The following ZSCAN5A variants were observed in gnomAD, a reference collection of about 807,000 sequenced individuals.
ZSCAN5A encodes zinc finger and SCAN domain-containing protein 5A.
A neutral mutation model predicts 23.7 loss-of-function variants in ZSCAN5A; 12 were observed. That is an observed-to-expected ratio of 0.51 (90% CI 0.32 to 0.82). The LOEUF (loss-of-function observed/expected upper bound fraction) is 0.82, where lower values mean the gene tolerates loss of function less well. ZSCAN5A is among the 40% of genes least tolerant of loss of function. The pLI is 0.03. For missense variants in ZSCAN5A, 597 were observed against 617.9 expected (o/e 0.97, Z 0.36); for synonymous variants, 257 against 239.9 (o/e 1.07, Z -0.66).
intron 2 of ZSCAN5A, among the ~76,000 whole-genome samples, chr19:56,268,956 G>C (rs2037655007): frequency 6.6e-6 from 1 of 152,142 alleles, no homozygotes; most frequent in Non-Finnish European, 1.5e-5. Flanking sequence ...GCATGTATCA[G>C]TACTTGATTT....
chr19:56,297,623 G>T, intron 2 of ZSCAN5A: 1 of 759,612 alleles, frequency 1.3e-6, no homozygotes, highest in Non-Finnish European at 1.6e-6. Flanking sequence ...GAAGATTTCA[G>T]GTAATCAAGG....
intron 2 of ZSCAN5A, among the ~76,000 whole-genome samples, chr19:56,251,958 A>G (rs2036374101): frequency 6.6e-6 from 1 of 152,230 alleles, no homozygotes; most frequent in African/African-American, 2.4e-5. Flanking sequence ...CCTAAAATAT[A>G]TATTCTCTGC....
intron 2 of ZSCAN5A, among the ~76,000 whole-genome samples, chr19:56,248,337 T>C (rs1447325765): frequency 6.6e-6 from 1 of 152,170 alleles, no homozygotes; most frequent in African/African-American, 2.4e-5. Context: ...CACAGCTCAC[T>C]GCAGACCTGA....
At chr19:56,353,991 A>G (rs1173833136) in intron 2 of ZSCAN5A, among the ~76,000 whole-genome samples, 2 of 152,244 alleles carry the variant, frequency 1.3e-5, no homozygotes, top group Admixed American at 1.3e-4. Flanking sequence ...ACATGGTACC[A>G]CATGGATGGA....
chr19:56,324,641 CAAA>C (rs35806754), intron 2 of ZSCAN5A, among the ~76,000 whole-genome samples: 3 of 81,794 alleles, frequency 3.7e-5, no homozygotes, highest in African/African-American at 3.7e-5. Flanking sequence ...TGTACATGTT[CAAA>C]AAAAAAAAAA....
chr19:56,318,652 C>T (rs2041342056), upstream of ZSCAN5A, among the ~76,000 whole-genome samples: 1 of 152,102 alleles, frequency 6.6e-6, no homozygotes, highest in Admixed American at 6.6e-5. Context: ...AAAATCTTTA[C>T]AGATACATAA....
At chr19:56,307,644 T>C (rs1432958063) in intron 2 of ZSCAN5A, among the ~76,000 whole-genome samples, 1 of 152,174 alleles carries the variant, frequency 6.6e-6, no homozygotes, top group Admixed American at 6.5e-5. Context: ...CCCACAGAGA[T>C]AAGTCACTGC....
At position 56,321,378 on chromosome 19, in the gene ZSCAN5A, C is replaced by T. The variant is rs1401492804; in HGVS notation, c.-357-5110G>A. 41 of 642,126 alleles carry T rather than the reference C, an allele frequency of 6.4e-5. No individual in the cohort carries two copies. In the East Asian group the frequency reaches 8.7e-4, roughly 14 times the overall value. 39.8% of individuals were successfully genotyped at this position (642,126 alleles called of 1,614,324 possible). ...TCACAATGTGGACACCAGCAGTTGG[C>T]TGGCAGATAGCTGCAGCATCCTTAT... On this transcript the variant is annotated intron_variant, in intron 2 of 6. Transcript: ENST00000587340.
chr19:56,221,317 C>G lies in ZSCAN5A; in HGVS notation c.*258G>C, dbSNP rs2033127068. 2 of 400,868 alleles carry G rather than the reference C, an allele frequency of 5.0e-6. No homozygotes were observed. Among genetic ancestry groups the G allele is most frequent in the Admixed American group, 4.1e-5 (1 of 24,578 alleles). 24.8% of individuals were successfully genotyped at this position (400,868 alleles called of 1,614,324 possible). On this transcript the variant is annotated 3_prime_UTR_variant, in exon 6 of 6. Coordinates refer to ENST00000683990, the MANE Select transcript of ZSCAN5A (RefSeq NM_001322064.3). Reference sequence around the variant, plus strand: ...GTTTTCCGTTATACAATATTGAAAACTAATAAGATGATCGTTTATTGGAAG... The same window carrying G: ...GTTTTCCGTTATACAATATTGAAAAGTAATAAGATGATCGTTTATTGGAAG...
intron 2 of ZSCAN5A, among the ~76,000 whole-genome samples, chr19:56,260,595 C>T (rs1334854039): frequency 6.6e-6 from 1 of 151,492 alleles, no homozygotes; most frequent in South Asian, 2.1e-4. Flanking sequence ...TTTTAATGTG[C>T]AGTAAAATAT....
intron 2 of ZSCAN5A, among the ~76,000 whole-genome samples, chr19:56,337,022 C>T (rs1218271560): frequency 2.6e-5 from 4 of 152,190 alleles, no homozygotes; most frequent in South Asian, 4.1e-4. Context: ...TTAGGCTACT[C>T]GGGGGTCAGG....
chr19:56,341,747 A>G (rs2041595010), intron 2 of ZSCAN5A, among the ~76,000 whole-genome samples: 3 of 150,422 alleles, frequency 2.0e-5, no homozygotes, highest in Admixed American at 1.3e-4. Context: ...AGTGCACAGA[A>G]TATTATGTTC....
chr19:56,299,334 T>TG (rs1017303839), intron 2 of ZSCAN5A, among the ~76,000 whole-genome samples: 3 of 151,988 alleles, frequency 2.0e-5, no homozygotes, highest in African/African-American at 7.2e-5. Flanking sequence ...GGTCTCCCTA[T>TG]GTTGCCCAGG....
intron 2 of ZSCAN5A, among the ~76,000 whole-genome samples, chr19:56,238,008 C>CACATACGCACACAT (rs1568627742): frequency 3.9e-3 from 3 of 768 alleles, no homozygotes; most frequent in Non-Finnish European, 5.8e-3. Flanking sequence ...CACACATACA[C>CACATACGCACACAT]ACACACGTCA....
chr19:56,300,711 AT>A (rs1159287096), intron 2 of ZSCAN5A, among the ~76,000 whole-genome samples: 2 of 151,760 alleles, frequency 1.3e-5, no homozygotes, highest in African/African-American at 2.4e-5. Flanking sequence ...GGGAGAATTC[AT>A]TTTTTTTCGT....
chr19:56,336,585 G>A (rs913346280), intron 2 of ZSCAN5A, among the ~76,000 whole-genome samples: 72 of 152,238 alleles, frequency 4.7e-4, no homozygotes, highest in African/African-American at 1.7e-3. Context: ...CTCTCAACTC[G>A]TCAAAGTCAT....
chr19:56,241,569 T>C (rs1457370040), intron 2 of ZSCAN5A, among the ~76,000 whole-genome samples: 1 of 152,260 alleles, frequency 6.6e-6, no homozygotes, highest in Admixed American at 6.5e-5. Flanking sequence ...CCTTACTTTA[T>C]GTACTAATCA....
chr19:56,303,289 T>G (rs1568728480), intron 2 of ZSCAN5A, among the ~76,000 whole-genome samples: 1 of 151,518 alleles, frequency 6.6e-6, no homozygotes, highest in Non-Finnish European at 1.5e-5. Context: ...ACCAGCCTGG[T>G]CAACATGGTG....
At chr19:56,268,130 G>T (rs1031489009) in intron 2 of ZSCAN5A, among the ~76,000 whole-genome samples, 1 of 152,196 alleles carries the variant, frequency 6.6e-6, no homozygotes, top group Admixed American at 6.5e-5. Context: ...TAGATGTGAA[G>T]GAACTGACTG....
Sources: allele counts gnomAD v4.1 joint callset (sites outside exome capture counted in the v4.1 genomes callset), GRCh38; gene constraint gnomAD v4.1.1; transcripts MANE v1.5; gene names NCBI Gene and HGNC (gene_info 2026-07-23, HGNC 2026-07-21).